Variants in ACSL1 observed in about 807,000 individuals in gnomAD.
ACSL1 encodes the protein long-chain-fatty-acid--CoA ligase 1.
ACSL1 carries 41 observed loss-of-function variants against 98.4 expected under a neutral mutation model. The ratio of observed to expected loss-of-function variants is 0.42; its 90% CI spans 0.32 to 0.54. The LOEUF (loss-of-function observed/expected upper bound fraction) is 0.54. ACSL1 is among the 20% of genes least tolerant of loss of function. The pLI is 0.13. For missense variants in ACSL1, 734 were observed against 883.1 expected, an observed-to-expected ratio of 0.83 and a Z score of 2.14; for synonymous variants, 316 against 322.7, an observed-to-expected ratio of 0.98 and a Z score of 0.22.
intron 2 of ACSL1, chr4:184,798,971 C>T (rs1769961528): frequency 6.6e-6 from 1 of 152,250 alleles, no homozygotes; most frequent in African/African-American, 2.4e-5. Flanking sequence ...GATAGGTGGA[C>T]CTGAAACCAC....
intron 2 of ACSL1, chr4:184,798,387 T>C (rs556016660): frequency 1.4e-4 from 22 of 152,420 alleles, no homozygotes; most frequent in Admixed American, 9.8e-4. Flanking sequence ...CATTATGATC[T>C]TGTAGTAGTT....
chr4:184,776,497 A>G lies in ACSL1; in HGVS notation c.743T>C (p.Met248Thr), dbSNP rs372428581. Residue 248 changes from methionine (M) to threonine (T), a missense_variant, in exon 7 of 21, where the codon ATG becomes ACG. Transcript: ENST00000281455. Reference sequence around the variant, plus strand: ...CAGGGCACTCACCTCCATCGCCTTCATGCTGGTGACTTCCACCCCACACCT... The same window carrying G: ...CAGGGCACTCACCTCCATCGCCTTCGTGCTGGTGACTTCCACCCCACACCT... The part of the protein sequence containing the change: ...GQRCGVEVTS[M>T]KAMEDLGRAN... 7 of 1,612,924 alleles carry G rather than the reference A, an allele frequency of 4.3e-6. No individual in the cohort carries two copies. Among genetic ancestry groups the G allele is most frequent in the Middle Eastern group, 1.7e-4 (1 of 5,970 alleles).
chr4:184,757,167 G>C lies in ACSL1; in HGVS notation c.2055C>G (p.Phe685Leu). The C allele has an allele frequency of 6.2e-7, 1 of 1,609,420 alleles. No homozygotes were observed. Among genetic ancestry groups the C allele is most frequent in the South Asian group, 1.1e-5 (1 of 90,952 alleles). The change falls in exon 21 of 21, where the codon TTC becomes TTG. Residue 685 changes from phenylalanine (F) to leucine (L), a missense_variant. Coordinates refer to ENST00000281455, the MANE Select transcript of ACSL1 (RefSeq NM_001995.5). This position sits in a 1 kb window ranked among gnomAD's most constrained non-coding sequence, Gnocchi z 4.5. ...KAKRPELRNY[F>L]RSQIDDLYST... ...AATAGAGGTCATCTATCTGCGACCT[G>C]AAATAGTTCCGCAGCTCTGGCCTTT...
intron 3 of ACSL1, among the ~76,000 whole-genome samples, chr4:184,786,257 G>A (rs997797339): frequency 2.6e-5 from 4 of 152,274 alleles, no homozygotes; most frequent in South Asian, 4.1e-4. Context: ...TGATGTTTTT[G>A]TGACTAGAAA....
intron 2 of ACSL1, among the ~76,000 whole-genome samples, chr4:184,793,788 G>A (rs1768851291): frequency 6.6e-6 from 1 of 152,208 alleles, no homozygotes; most frequent in Non-Finnish European, 1.5e-5. Flanking sequence ...AAAGGAGCAT[G>A]TAGAACCACA....
chr4:184,811,538 T>C (rs1271981990), intron 1 of ACSL1, among the ~76,000 whole-genome samples: 1 of 152,080 alleles, frequency 6.6e-6, no homozygotes, highest in African/African-American at 2.4e-5. Context: ...ATACATGCCA[T>C]GACATGGATG....
intron 4 of ACSL1, 96 bp downstream of exon 4, chr4:184,783,831 T>C (rs892207623): frequency 1.7e-6 from 2 of 1,170,584 alleles, no homozygotes; most frequent in Non-Finnish European, 2.5e-6. Context: ...GTCCAGCACA[T>C]ACACTCTGGA....
intron 5 of ACSL1, among the ~76,000 whole-genome samples, chr4:184,779,346 G>A (rs1200607224): frequency 6.6e-6 from 1 of 152,162 alleles, no homozygotes; most frequent in Non-Finnish European, 1.5e-5. Flanking sequence ...CCGCCACCAT[G>A]TAAGAAGTGC....
rs536434149 is a variant in ACSL1 at position 184,788,877 on chromosome 4, G to C, written c.196-146C>G. The C allele has an allele frequency of 1.4e-5, 9 of 628,912 alleles. No individual in the cohort carries two copies. The East Asian group carries it at 2.2e-4, about 15-fold the overall frequency. 39.0% of individuals were successfully genotyped at this position (628,912 alleles called of 1,614,324 possible). A position where few individuals can be genotyped will look rare whatever the true frequency, so the allele number is the denominator to read the frequency against. On this transcript the variant is annotated intron_variant, in intron 2 of 20. Transcript: ENST00000281455. ...AGAACACTTAAAATCTATTCTCTTA[G>C]TAATTTCAGGTATATGGTACATTGT...
chr4:184,783,897 G>A, intron 4 of ACSL1, 30 bp downstream of exon 4: 1 of 1,598,650 alleles, frequency 6.3e-7, no homozygotes, highest in Non-Finnish European at 8.6e-7. Context: ...TGCAAGAGGA[G>A]TCCACAGAGC....
At position 184,803,362 on chromosome 4, in the gene ACSL1, C is replaced by T; in HGVS notation, c.153G>A (p.Leu51=). ...TFWYATRPKP[L]KPPCDLSMQS... is the part of the protein sequence containing the mutation. ...GCATGGAGAGGTCGCATGGCGGCTT[C>T]AGGGGTTTGGGTCTCGTGGCGTACC... Residue 51 remains leucine (L), a synonymous_variant, in exon 2 of 21, where the codon CTG becomes CTA. Transcript: ENST00000281455. The surrounding 1 kb of genome is among the most constrained non-coding windows in gnomAD (Gnocchi z 4.8). 6.2e-7 allele frequency: 1 copy of T among 1,612,084 alleles called. No individual in the cohort carries two copies. Among genetic ancestry groups the T allele is most frequent in the Non-Finnish European group, 8.5e-7 (1 of 1,179,026 alleles).
chr4:184,817,964 C>T (rs182411106), intron 1 of ACSL1, among the ~76,000 whole-genome samples: 4 of 152,278 alleles, frequency 2.6e-5, no homozygotes, highest in East Asian at 1.9e-4. Flanking sequence ...GTCTTGGCAT[C>T]GGCAGAGTTT....
Position 184,803,241 on chromosome 4 carries a change from G to A in ACSL1, c.195+79C>T. On this transcript the variant is annotated intron_variant, in intron 2 of 20. Coordinates refer to ENST00000281455, the MANE Select transcript of ACSL1 (RefSeq NM_001995.5). The surrounding 1 kb of genome is among the most constrained non-coding windows in gnomAD (Gnocchi z 4.8). ...TATAAACAAATATTTGATCTTGATG[G>A]CTATCACATTCAACAGGGCTCAGCT... 1 of 1,243,032 alleles carries A rather than the reference G, an allele frequency of 8.0e-7. No individual in the cohort carries two copies. Among genetic ancestry groups the A allele is most frequent in the Non-Finnish European group, 1.1e-6 (1 of 919,024 alleles). 77.0% of individuals were successfully genotyped at this position (1,243,032 alleles called of 1,614,324 possible).
At chr4:184,759,430 C>T (rs1762571482) in intron 18 of ACSL1, among the ~76,000 whole-genome samples, 1 of 152,102 alleles carries the variant, frequency 6.6e-6, no homozygotes, top group Non-Finnish European at 1.5e-5. Context: ...ATTTTTGCAA[C>T]CTACTCATCT....
At chr4:184,785,043 G>A (rs1359204512) in intron 3 of ACSL1, among the ~76,000 whole-genome samples, 1 of 152,178 alleles carries the variant, frequency 6.6e-6, no homozygotes, top group Non-Finnish European at 1.5e-5. Flanking sequence ...TGCAGCCAAG[G>A]GCCAAATCAG....
Position 184,757,107 on chromosome 4 carries a change from T to C in ACSL1, c.*18A>G. 1 of 1,558,566 alleles carries C rather than the reference T, an allele frequency of 6.4e-7. No individual in the cohort carries two copies. On this transcript the variant is annotated 3_prime_UTR_variant, in exon 21 of 21. Transcript: ENST00000281455. The surrounding 1 kb of genome is among the most constrained non-coding windows in gnomAD (Gnocchi z 4.5). ...GATTGTGGAACTGTGCCATTTCCTC[T>C]GAGCTTTCTTCTTCACACTAAACCT...
chr4:184,765,778 T>C, intron 14 of ACSL1, 113 bp downstream of exon 14: 1 of 819,188 alleles, frequency 1.2e-6, no homozygotes, highest in South Asian at 1.9e-5. Flanking sequence ...ATAGATACGC[T>C]TGTCAATTAA....
intron 1 of ACSL1, among the ~76,000 whole-genome samples, chr4:184,810,530 G>T (rs908150115): frequency 2.0e-5 from 3 of 152,176 alleles, no homozygotes; most frequent in African/African-American, 7.2e-5. Context: ...AATTCTGACA[G>T]GGAGCATTTG....
Position 184,766,823 on chromosome 4 carries a change from A to G in ACSL1, c.1129-67T>C, listed in dbSNP as rs1763683618. On this transcript the variant is annotated intron_variant, in intron 12 of 20. Coordinates refer to ENST00000281455, the MANE Select transcript of ACSL1 (RefSeq NM_001995.5). This position sits in a 1 kb window ranked among gnomAD's most constrained non-coding sequence, Gnocchi z 4.8. ...ATGGCCAGAGTCAAAGAGTGTGGAG[A>G]AATCAGAACCCTCACACACAGCTGG... 3 of 1,525,438 alleles carry G rather than the reference A, an allele frequency of 2.0e-6. No homozygotes were observed. The East Asian group carries it at 6.9e-5, about 35-fold the overall frequency. The allele number at this position is 1,525,438 out of a possible 1,614,324, so 94.5% of individuals were successfully genotyped here. A position where few individuals can be genotyped will look rare whatever the true frequency, so the allele number is the denominator to read the frequency against.
Sources: allele counts gnomAD v4.1 joint callset (sites outside exome capture counted in the v4.1 genomes callset), GRCh38; gene constraint gnomAD v4.1.1; non-coding constraint Gnocchi (gnomAD v3.1); transcripts MANE v1.5; gene names NCBI Gene and HGNC (gene_info 2026-07-23, HGNC 2026-07-21).